The following DYNC2H1 variants were observed in gnomAD, a reference collection of about 807,000 sequenced individuals.
DYNC2H1 encodes the protein cytoplasmic dynein 2 heavy chain 1.
In DYNC2H1, 410 loss-of-function variants were observed where a neutral mutation model predicts 570.0. The observed-to-expected ratio is 0.72, with a 90% CI of 0.66 to 0.78. The LOEUF (loss-of-function observed/expected upper bound fraction) is 0.78. Among genes scored for constraint, DYNC2H1 ranks in the 30% least tolerant of loss-of-function variants. The pLI is 0.00. For synonymous variants in DYNC2H1, 1,688 were observed against 1,677.6 expected (o/e 1.01, Z -0.15); for missense variants, 4,865 against 5,046.4 (o/e 0.96, Z 1.09).
rs148795289 is a variant in DYNC2H1, at chr11:103,154,877, A to C, written c.3573+68A>C. On this transcript the variant is annotated intron_variant, in intron 24 of 88. Coordinates refer to ENST00000375735, the MANE Select transcript of DYNC2H1 (RefSeq NM_001377.3). Reference sequence around the variant, plus strand: ...GAGCTTTCATCTTATGTAGTGACTGAACTATATAATTTTACTTTATATGTT... The same window carrying C: ...GAGCTTTCATCTTATGTAGTGACTGCACTATATAATTTTACTTTATATGTT... 12,543 of 1,121,996 alleles carry C rather than the reference A, an allele frequency of 0.011. 89 individuals are homozygous for C. Among genetic ancestry groups the C allele is most frequent in the Middle Eastern group, 0.019 (69 of 3,672 alleles). The allele number at this position is 1,121,996 out of a possible 1,614,324, so 69.5% of individuals were successfully genotyped here. A position where few individuals can be genotyped will look rare whatever the true frequency, so the allele number is the denominator to read the frequency against.
At position 103,435,560 on chromosome 11, in the gene DYNC2H1, A is replaced by G. The variant is rs545007846; in HGVS notation, c.12367-383A>G. On this transcript the variant is annotated intron_variant, in intron 84 of 88. Transcript: ENST00000375735. The stretch of plus-strand genomic sequence containing the variant: ...GGTTGGGGAATAAAGTTTCCATTAT[A>G]CTGCTCTATTTATAGTTTTAAAAAA... 5.9e-5 allele frequency among the ~76,000 whole-genome samples: 9 copies of G among 152,088 alleles called. No homozygotes were observed. In the South Asian group the frequency reaches 1.9e-3, roughly 32 times the overall value.
rs1023611536 is a variant in DYNC2H1 at position 103,244,280 on chromosome 11, T to G, written c.9918+489T>G. On this transcript the variant is annotated intron_variant, in intron 64 of 88. Transcript: ENST00000375735. The surrounding 1 kb of genome is among the most constrained non-coding windows in gnomAD (Gnocchi z 4.3). ...TTGATAATTGTTCAGTGAAATATAA[T>G]CATAGTCTTTTTGGTAGTGACTTCT... Among the ~76,000 whole-genome samples the G allele has an allele frequency of 3.2e-4, 49 of 152,196 alleles. 1 individual carries two copies. The highest frequency in any genetic ancestry group is 6.5e-4 in the Non-Finnish European group (44 of 67,946).
rs1363867792 is a variant in DYNC2H1, at chr11:103,293,969, T to G, written c.11095+6364T>G. On this transcript the variant is annotated intron_variant, in intron 75 of 88. Transcript: ENST00000375735. The stretch of plus-strand genomic sequence containing the variant: ...GCAGGCGCCTCTAATCCCAGCTACT[T>G]GGGAGGCTGAGGCAGGAGAATTGCT... Among the ~76,000 whole-genome samples the G allele has an allele frequency of 2.6e-5, 4 of 151,986 alleles. No individual in the cohort carries two copies. The East Asian group carries it at 7.8e-4, about 30-fold the overall frequency.
At position 103,468,600 on chromosome 11, in the gene DYNC2H1, G is replaced by C. The variant is rs752208211; in HGVS notation, c.12660G>C (p.Leu4220Phe). 1.2e-6 allele frequency: 2 copies of C among 1,612,208 alleles called. No homozygotes were observed. The highest frequency in any genetic ancestry group is 3.3e-5 in the Admixed American group (2 of 59,932). Residue 4220 changes from leucine (L) to phenylalanine (F), a missense_variant, in exon 88 of 89, where the codon TTG (leucine) becomes TTC (phenylalanine). Physicochemically the swap from Leu to Phe is conservative, Grantham distance 22. This residue lies in a region of DYNC2H1 where 2,401 missense variants were observed against 2,454.6 expected (regional missense o/e 0.98). Coordinates refer to ENST00000375735, the MANE Select transcript of DYNC2H1 (RefSeq NM_001377.3). The part of the protein sequence containing the change: ...EAKLQIKISG[L>F]LLEGCSFDGN... ...TGTTTCCATGGCAGATCAGTGGCTT[G>C]TTACTAGAAGGATGTAGTTTTGATG... is the stretch of plus-strand genomic sequence containing the variant.
rs759367270 is a variant in DYNC2H1 at position 103,184,895 on chromosome 11, G to A, written c.6478-1G>A. The A allele has an allele frequency of 1.2e-6, 2 of 1,609,722 alleles. No individual in the cohort carries two copies. The highest frequency in any genetic ancestry group is 2.7e-5 in the African/African-American group (2 of 74,702). ...TTTGTATCACGGATTTTAATCAACAGAATGACTATGTGGTAGAAACAAGTT... is the reference window on the plus strand; with the variant it reads ...TTTGTATCACGGATTTTAATCAACAAAATGACTATGTGGTAGAAACAAGTT... On this transcript the variant is annotated splice_acceptor_variant, in intron 40 of 88. Transcript: ENST00000375735. LOFTEE classifies it high-confidence loss of function.
At chr11:103,372,523 C>T (rs1156575656) in intron 83 of DYNC2H1, among the ~76,000 whole-genome samples, 5 of 152,010 alleles carry the variant, frequency 3.3e-5, no homozygotes, top group Non-Finnish European at 5.9e-5. Context: ...TAATGTGTGT[C>T]ATTTTTATTC....
chr11:103,179,342 A>T, intron 39 of DYNC2H1, 109 bp downstream of exon 39: 2 of 959,482 alleles, frequency 2.1e-6, no homozygotes, highest in Non-Finnish European at 2.8e-6. Flanking sequence ...TATTTTTCCC[A>T]TTTATGATTA....
chr11:103,233,351 T>C (rs1042000766), intron 60 of DYNC2H1, among the ~76,000 whole-genome samples: 1 of 151,860 alleles, frequency 6.6e-6, no homozygotes, highest in African/African-American at 2.4e-5. Context: ...CTTACACATA[T>C]TTGTTGAATG....
chr11:103,189,656 A>G lies in DYNC2H1; in HGVS notation c.7293-16A>G, dbSNP rs1324744988. On this transcript the variant is annotated splice_polypyrimidine_tract_variant and intron_variant, in intron 44 of 88. Coordinates refer to ENST00000375735, the MANE Select transcript of DYNC2H1 (RefSeq NM_001377.3). The surrounding 1 kb of genome is among the most constrained non-coding windows in gnomAD (Gnocchi z 4.3). ...TGATTTATTTCAGCTTTCTTCTTAT[A>G]TGCCATTTTTTTTAGTTACCCAGAA... The G allele has an allele frequency of 2.4e-5, 39 of 1,609,318 alleles. No individual in the cohort carries two copies. The highest frequency in any genetic ancestry group is 3.0e-5 in the Non-Finnish European group (35 of 1,177,750).
At chr11:103,311,824 T>TA in intron 78 of DYNC2H1, 54 bp from the exon 79 acceptor site, 1 of 1,490,996 alleles carries the variant, frequency 6.7e-7, no homozygotes, top group South Asian at 1.3e-5. Context: ...TAAAATCTAA[T>TA]ATATTTTACT....
At chr11:103,459,167 G>C (rs1042596263) in intron 87 of DYNC2H1, among the ~76,000 whole-genome samples, 7 of 149,928 alleles carry the variant, frequency 4.7e-5, no homozygotes, top group African/African-American at 1.7e-4. Context: ...AAATTAGCCG[G>C]GCGTAGTGGC....
At chr11:103,183,315 G>A (rs968428486) in intron 40 of DYNC2H1, among the ~76,000 whole-genome samples, 1 of 151,824 alleles carries the variant, frequency 6.6e-6, no homozygotes. Flanking sequence ...TCATAGATGT[G>A]TGAATGTTAT....
At chr11:103,172,059 A>C (rs1861597699) in intron 34 of DYNC2H1, among the ~76,000 whole-genome samples, 1 of 152,032 alleles carries the variant, frequency 6.6e-6, no homozygotes. Flanking sequence ...ATCATGTTAT[A>C]TAAAATAACA....
intron 63 of DYNC2H1, among the ~76,000 whole-genome samples, chr11:103,242,823 C>T (rs998764190): frequency 3.3e-5 from 5 of 151,838 alleles, no homozygotes; most frequent in East Asian, 1.9e-4. Flanking sequence ...AGGGTTCAAG[C>T]GATTCTTCTG....
chr11:103,207,922 G>A (rs1863003233), intron 52 of DYNC2H1, among the ~76,000 whole-genome samples: 1 of 152,116 alleles, frequency 6.6e-6, no homozygotes. Context: ...AGTTGGTAAG[G>A]TGGTAAATTA....
intron 13 of DYNC2H1, among the ~76,000 whole-genome samples, chr11:103,130,453 A>G (rs571708054): frequency 1.3e-5 from 2 of 152,294 alleles, no homozygotes; most frequent in African/African-American, 2.4e-5. Context: ...CATTCATATT[A>G]TAGATGTTAT....
Position 103,185,086 on chromosome 11 carries a change from CTT to C in DYNC2H1, c.6633+37_6633+38del, listed in dbSNP as rs1013035484. ...ATTTATAGCCTATATTTAGTCAAAACTTTAACTTTTCATTAACTCTTAACTGC... is the reference window on the plus strand; with the variant it reads ...ATTTATAGCCTATATTTAGTCAAAACTAACTTTTCATTAACTCTTAACTGC... On this transcript the variant is annotated intron_variant, in intron 41 of 88. Transcript: ENST00000375735. This position sits in a 1 kb window ranked among gnomAD's most constrained non-coding sequence, Gnocchi z 4.5. The C allele has an allele frequency of 6.3e-7, 1 of 1,580,390 alleles. No individual in the cohort carries two copies. Among genetic ancestry groups the C allele is most frequent in the Non-Finnish European group, 8.6e-7 (1 of 1,159,518 alleles).
intron 28 of DYNC2H1, among the ~76,000 whole-genome samples, chr11:103,160,512 G>T (rs1861047155): frequency 2.0e-5 from 3 of 151,904 alleles, no homozygotes; most frequent in Non-Finnish European, 2.9e-5. Context: ...TTCCAAAGAG[G>T]TTATAACATT....
At chr11:103,437,300 T>C (rs1944098019) in intron 85 of DYNC2H1, among the ~76,000 whole-genome samples, 1 of 152,162 alleles carries the variant, frequency 6.6e-6, no homozygotes, top group Non-Finnish European at 1.5e-5. Flanking sequence ...AGCTCATCCC[T>C]AGACCTGTGT....
Sources: gnomAD v4.1 joint callset for allele counts (sites outside exome capture counted in the v4.1 genomes callset) on GRCh38, gnomAD v4.1.1 for gene constraint, gnomAD v4.1.1 regional missense constraint, Gnocchi (gnomAD v3.1) non-coding constraint, MANE v1.5 for transcripts, NCBI Gene and HGNC (gene_info 2026-07-23, HGNC 2026-07-21) for gene names.